FRMPD3: variants seen among roughly 807,000 people sequenced by gnomAD.
FRMPD3 encodes FERM and PDZ domain containing 3.
A neutral mutation model predicts 97.9 loss-of-function variants in FRMPD3; 42 were observed. That is an observed-to-expected ratio of 0.43 (90% CI 0.34 to 0.55). The LOEUF is 0.55. Ranked by LOEUF, FRMPD3 falls within the 20% of genes least tolerant of loss-of-function variation. The pLI is 0.03. For synonymous variants in FRMPD3, 577 were observed against 581.1 expected (o/e 0.99, Z 0.10); for missense variants, 1,303 against 1,457.7 (o/e 0.89, Z 1.73).
chrX:107,536,170 A>G (rs1923228615), intron 4 of FRMPD3, among the ~76,000 whole-genome samples: 1 of 111,199 alleles, frequency 9.0e-6, no homozygotes, highest in African/African-American at 3.3e-5. Context: ...TGAACAACAT[A>G]GAATGAGACC....
Position 107,603,360 on chromosome X carries a change from C to G in FRMPD3, c.5321C>G (p.Thr1774Ser). Reference protein sequence around the residue: ...VMSTFTHSLKTLIK With the variant: ...VMSTFTHSLKSLIK ...AGCACATTCACCCACTCCTTAAAAA[C>G]CCTTATTAAGTAGGGCATCTGCCCA... is the stretch of plus-strand genomic sequence containing the variant. Residue 1774 changes from threonine to serine, a missense_variant, in exon 15 of 15, where the codon ACC becomes AGC. By Grantham distance (58) the Thr-to-Ser change is moderately conservative. Around this residue, in one of 3 missense-constraint regions of FRMPD3, gnomAD observed 764 missense variants for 820.2 expected, o/e 0.93. Coordinates refer to ENST00000683843, the MANE Select transcript of FRMPD3 (RefSeq NM_001388459.1). The G allele has an allele frequency of 8.7e-7, 1 of 1,147,530 alleles. No individual in the cohort carries two copies. Among genetic ancestry groups the G allele is most frequent in the Non-Finnish European group, 1.2e-6 (1 of 862,207 alleles). 94.6% of individuals were successfully genotyped at this position (1,147,530 alleles called of 1,213,427 possible). A position where few individuals can be genotyped will look rare whatever the true frequency, so the allele number is the denominator to read the frequency against.
chrX:107,453,061 G>A (rs925898365), intron 1 of FRMPD3, among the ~76,000 whole-genome samples: 2 of 111,245 alleles, frequency 1.8e-5, no homozygotes, highest in African/African-American at 6.5e-5. Context: ...CCCCCACTAC[G>A]CATAAATGAT....
In FRMPD3 at chrX:107,578,518, G is replaced by A. The variant is rs6622239; in HGVS notation, c.1441+2059G>A. 2.1e-3 allele frequency among the ~76,000 whole-genome samples: 232 copies of A among 111,253 alleles called. 2 individuals are homozygous for A. Among genetic ancestry groups the A allele is most frequent in the African/African-American group, 7.1e-3 (218 of 30,596 alleles). The stretch of plus-strand genomic sequence containing the variant: ...ACCACCTTCCTGACTTCTGAGATCC[G>A]CCTTCGGCCTGCAGAATGATGGGGG... On this transcript the variant is annotated intron_variant, in intron 13 of 14. Coordinates refer to ENST00000683843, the MANE Select transcript of FRMPD3 (RefSeq NM_001388459.1).
rs1374798971 is a variant in FRMPD3, at chrX:107,600,552, C to T, written c.2513C>T (p.Pro838Leu). The part of the protein sequence containing the change: ...TAPYSLGRPD[P>L]NPSLQPIATG... ...CCTTACTCTCTTGGGCGCCCGGATC[C>T]CAACCCATCTCTCCAACCCATTGCC... Residue 838 changes from proline (P) to leucine (L), a missense_variant, in exon 15 of 15, where the codon CCC becomes CTC. Physicochemically the swap from Pro to Leu is moderately conservative, Grantham distance 98 (BLOSUM62 -3). This residue lies in a region of FRMPD3 where 764 missense variants were observed against 820.2 expected (regional missense o/e 0.93). Coordinates refer to ENST00000683843, the MANE Select transcript of FRMPD3 (RefSeq NM_001388459.1). The T allele has an allele frequency of 1.7e-6, 2 of 1,209,041 alleles. No individual in the cohort carries two copies. The highest frequency in any genetic ancestry group is 2.2e-6 in the Non-Finnish European group (2 of 895,003).
At chrX:107,552,014 A>G (rs902881353) in intron 6 of FRMPD3, among the ~76,000 whole-genome samples, 2 of 112,355 alleles carry the variant, frequency 1.8e-5, no homozygotes, top group Non-Finnish European at 3.8e-5. Context: ...GACTCCATGA[A>G]CACACACATT....
At position 107,565,055 on chromosome X, in the gene FRMPD3, A is replaced by G. The variant is rs781053361; in HGVS notation, c.1285A>G (p.Met429Val). 5 of 1,183,469 alleles carry G rather than the reference A, an allele frequency of 4.2e-6. No homozygotes were observed. In the South Asian group the frequency reaches 7.7e-5, roughly 18 times the overall value. Residue 429 changes from methionine to valine, a missense_variant, in exon 12 of 15, where the codon ATG becomes GTG. By Grantham distance (21) the Met-to-Val change is conservative (BLOSUM62 1). Coordinates refer to ENST00000683843, the MANE Select transcript of FRMPD3 (RefSeq NM_001388459.1). ...CGTGGCCCGGGTGGAGACCAGCATC[A>G]TGGATGCCAAGGTAAGCCCTGCTTT... ...QGVARVETSI[M>V]DAKPLVLLME...
chrX:107,526,167 C>T (rs377484877), intron 1 of FRMPD3, among the ~76,000 whole-genome samples: 2 of 112,254 alleles, frequency 1.8e-5, no homozygotes, highest in Admixed American at 9.4e-5. Flanking sequence ...ACATTTCTTC[C>T]GCCACTTACT....
At chrX:107,513,668 C>T (rs1487574375) in intron 1 of FRMPD3, among the ~76,000 whole-genome samples, 1 of 112,082 alleles carries the variant, frequency 8.9e-6, no homozygotes, top group Non-Finnish European at 1.9e-5. Flanking sequence ...CCAGACTTCC[C>T]ATTCAGAAAC....
chrX:107,458,217 A>G (rs748927952), intron 1 of FRMPD3, among the ~76,000 whole-genome samples: 41 of 112,241 alleles, frequency 3.7e-4, no homozygotes, highest in Admixed American at 3.8e-4. Context: ...TCCAGGATCT[A>G]GCCCTGTACT....
intron 4 of FRMPD3, among the ~76,000 whole-genome samples, chrX:107,541,490 A>C (rs1270186623): frequency 1.8e-5 from 2 of 112,717 alleles, no homozygotes; most frequent in African/African-American, 6.4e-5. Flanking sequence ...AAACAAGCTG[A>C]AAATAACTCT....
chrX:107,601,163 G>A lies in FRMPD3; in HGVS notation c.3124G>A (p.Ala1042Thr). The stretch of plus-strand genomic sequence containing the variant: ...CCCCAGAGCACCCACAGGCAGCCGG[G>A]CTGACAGCCTGCACCTCTCCCAACA... ...SSPRAPTGSR[A>T]DSLHLSQQED... Residue 1042 changes from alanine to threonine, a missense_variant, in exon 15 of 15, where the codon GCT (alanine) becomes ACT (threonine). Ala to Thr is a moderately conservative substitution (Grantham distance 58). This residue lies in a region of FRMPD3 where 764 missense variants were observed against 820.2 expected (regional missense o/e 0.93). Transcript: ENST00000683843. The A allele has an allele frequency of 8.3e-7, 1 of 1,210,656 alleles. No individual in the cohort carries two copies.
At position 107,456,425 on chromosome X, in the gene FRMPD3, C is replaced by T. The variant is rs778831894; in HGVS notation, c.-8+6420C>T. On this transcript the variant is annotated intron_variant, in intron 1 of 14. Coordinates refer to ENST00000683843, the MANE Select transcript of FRMPD3 (RefSeq NM_001388459.1). ...CCCACATACTCATTATCCACATTAA[C>T]TAGTTATCAGGACTTTGCCATGTTT... Among the ~76,000 whole-genome samples the T allele has an allele frequency of 7.1e-5, 8 of 112,005 alleles. No homozygotes were observed. In the South Asian group the frequency reaches 3.0e-3, roughly 42 times the overall value.
intron 1 of FRMPD3, among the ~76,000 whole-genome samples, chrX:107,468,447 A>T (rs1569409471): frequency 1.8e-5 from 2 of 112,308 alleles, no homozygotes; most frequent in African/African-American, 3.2e-5. Context: ...CTGCTGGAGC[A>T]TGTGTTTCAA....
chrX:107,529,520 A>C (rs1922842370), intron 2 of FRMPD3, among the ~76,000 whole-genome samples: 2 of 110,765 alleles, frequency 1.8e-5, no homozygotes, highest in Admixed American at 1.9e-4. Flanking sequence ...GGGAGGGGCA[A>C]GTTACAGTGA....
intron 7 of FRMPD3, among the ~76,000 whole-genome samples, chrX:107,553,872 A>C (rs1485733923): frequency 8.9e-6 from 1 of 112,070 alleles, no homozygotes; most frequent in Non-Finnish European, 1.9e-5. Flanking sequence ...ACATACACAC[A>C]AGTAGGAGGA....
intron 1 of FRMPD3, among the ~76,000 whole-genome samples, chrX:107,510,579 G>C (rs1371715737): frequency 1.8e-5 from 2 of 112,150 alleles, no homozygotes; most frequent in Non-Finnish European, 3.8e-5. Context: ...TAATGGTTCA[G>C]CATAGCACGT....
chrX:107,479,697 T>A (rs1349601787), intron 1 of FRMPD3, among the ~76,000 whole-genome samples: 1 of 110,415 alleles, frequency 9.1e-6, no homozygotes, highest in Non-Finnish European at 1.9e-5. Flanking sequence ...AGAGCTCCTG[T>A]TTGGGGTGAT....
chrX:107,516,609 C>T (rs912981799), intron 1 of FRMPD3, among the ~76,000 whole-genome samples: 2 of 111,937 alleles, frequency 1.8e-5, no homozygotes, highest in Non-Finnish European at 3.8e-5. Context: ...TTTTGATTTG[C>T]ATTTCTCTGA....
At chrX:107,511,431 G>A (rs892546515) in intron 1 of FRMPD3, among the ~76,000 whole-genome samples, 1 of 112,732 alleles carries the variant, frequency 8.9e-6, no homozygotes, top group South Asian at 3.7e-4. Context: ...CAGAGGGTGG[G>A]CAAGGGGGAA....
Sources: allele counts gnomAD v4.1 joint callset (sites outside exome capture counted in the v4.1 genomes callset), GRCh38; gene constraint gnomAD v4.1.1; regional missense constraint gnomAD v4.1.1; transcripts MANE v1.5; gene names NCBI Gene and HGNC (gene_info 2026-07-23, HGNC 2026-07-21).